Variants in FSTL4 observed in about 807,000 individuals in gnomAD.
FSTL4 encodes the protein follistatin-related protein 4.
In FSTL4, 28 loss-of-function variants were observed where a neutral mutation model predicts 78.2. That is an observed-to-expected ratio of 0.36 (90% confidence interval 0.27 to 0.49). The LOEUF is 0.49. Ranked by LOEUF, FSTL4 falls within the 20% of genes least tolerant of loss-of-function variation. The pLI, the probability that FSTL4 is intolerant of heterozygous loss-of-function variation, is 0.98. For missense variants in FSTL4, 922 were observed against 1,084.9 expected, an observed-to-expected ratio of 0.85 and a Z score of 2.11; for synonymous variants, 422 against 440.5, an observed-to-expected ratio of 0.96 and a Z score of 0.53.
chr5:133,637,952 TAATTAA>T, the FSTL4 span, among the ~76,000 whole-genome samples: 1 of 115,090 alleles, frequency 8.7e-6, no homozygotes, highest in East Asian at 2.4e-4. Context: ...AAAATAATAA[TAATTAA>T]TAATAATAAT....
chr5:133,245,523 C>T (rs1459060082), intron 7 of FSTL4, among the ~76,000 whole-genome samples: 1 of 152,240 alleles, frequency 6.6e-6, no homozygotes, highest in Non-Finnish European at 1.5e-5. Context: ...CTTTCTCACT[C>T]GCTTATTCCT....
At chr5:133,841,589 C>A in the FSTL4 span, among the ~76,000 whole-genome samples, 1 of 152,186 alleles carries the variant, frequency 6.6e-6, no homozygotes, top group African/African-American at 2.4e-5. Context: ...CAACCACTCC[C>A]CACTGTGAGG....
intron 3 of FSTL4, among the ~76,000 whole-genome samples, chr5:133,462,815 C>T (rs1287686263): frequency 6.6e-6 from 1 of 152,134 alleles, no homozygotes; most frequent in Non-Finnish European, 1.5e-5. Flanking sequence ...TATTCATGGA[C>T]TTGGCAATGT....
At chr5:133,295,952 G>A (rs547708448) in intron 6 of FSTL4, among the ~76,000 whole-genome samples, 36 of 152,294 alleles carry the variant, frequency 2.4e-4, no homozygotes, top group African/African-American at 8.2e-4. Flanking sequence ...CTGTCAGTAT[G>A]CTAAGGGTTT....
intron 2 of FSTL4, among the ~76,000 whole-genome samples, chr5:133,575,793 G>A (rs1760264326): frequency 6.6e-6 from 1 of 152,134 alleles, no homozygotes; most frequent in African/African-American, 2.4e-5. Flanking sequence ...CTTAGTGCAT[G>A]GGCATTACTT....
chr5:133,819,407 T>C, the FSTL4 span, among the ~76,000 whole-genome samples: 4 of 152,160 alleles, frequency 2.6e-5, no homozygotes, highest in Non-Finnish European at 5.9e-5. Flanking sequence ...CTCTGCTCAG[T>C]GGCTGAGAAG....
At chr5:133,364,829 C>T (rs1755149216) in intron 4 of FSTL4, among the ~76,000 whole-genome samples, 1 of 152,152 alleles carries the variant, frequency 6.6e-6, no homozygotes, top group Non-Finnish European at 1.5e-5. Context: ...AAAATATATT[C>T]TGTGTATGCT....
At chr5:133,744,077 T>C in the FSTL4 span, among the ~76,000 whole-genome samples, 1 of 152,256 alleles carries the variant, frequency 6.6e-6, no homozygotes, top group Admixed American at 6.5e-5. Flanking sequence ...AGTCCTCACC[T>C]GAACTTACAT....
the FSTL4 span, among the ~76,000 whole-genome samples, chr5:133,823,265 T>A: frequency 6.6e-6 from 1 of 152,032 alleles, no homozygotes; most frequent in Non-Finnish European, 1.5e-5. Context: ...GGAAATAAGT[T>A]GAAATTAAAA....
intron 2 of FSTL4, among the ~76,000 whole-genome samples, chr5:133,590,321 GAA>G (rs60171469): frequency 0.02 from 3,080 of 152,182 alleles, 118 homozygotes; most frequent in African/African-American, 0.071. Context: ...TGGCTACACA[GAA>G]AGAGATATCA....
At chr5:133,296,330 C>T (rs1335555317) in intron 6 of FSTL4, among the ~76,000 whole-genome samples, 5 of 152,226 alleles carry the variant, frequency 3.3e-5, no homozygotes, top group African/African-American at 1.2e-4. Context: ...TCTACATGCT[C>T]CTACTTTTGC....
chr5:133,821,641 G>A, the FSTL4 span, among the ~76,000 whole-genome samples: 1 of 152,180 alleles, frequency 6.6e-6, no homozygotes, highest in Admixed American at 6.5e-5. Context: ...GGAGAGTTGA[G>A]CACATGTGGG....
chr5:133,706,283 C>T, the FSTL4 span, among the ~76,000 whole-genome samples: 1 of 152,054 alleles, frequency 6.6e-6, no homozygotes, highest in African/African-American at 2.4e-5. Flanking sequence ...AGTTGGCATT[C>T]AAAAAATGAT....
chr5:133,395,929 C>T (rs905419633), intron 4 of FSTL4, among the ~76,000 whole-genome samples: 38 of 152,178 alleles, frequency 2.5e-4, no homozygotes, highest in African/African-American at 9.2e-4. Context: ...ATCAGAGATA[C>T]CTGATTCTCC....
At chr5:133,416,720 C>A (rs560380757) in intron 3 of FSTL4, among the ~76,000 whole-genome samples, 1 of 152,216 alleles carries the variant, frequency 6.6e-6, no homozygotes, top group Non-Finnish European at 1.5e-5. Flanking sequence ...GCCAAAAGTT[C>A]ATGAAGAAAC....
At chr5:133,757,949 T>C in the FSTL4 span, among the ~76,000 whole-genome samples, 1 of 152,244 alleles carries the variant, frequency 6.6e-6, no homozygotes. Flanking sequence ...CCTGGAGCCC[T>C]GTGAGAGCTA....
At chr5:133,711,701 T>C in the FSTL4 span, among the ~76,000 whole-genome samples, 5 of 152,224 alleles carry the variant, frequency 3.3e-5, no homozygotes, top group African/African-American at 9.6e-5. Context: ...TTCTAGGTCA[T>C]GGACTCTTTG....
intron 3 of FSTL4, among the ~76,000 whole-genome samples, chr5:133,465,104 T>C (rs565331135): frequency 1.9e-4 from 29 of 152,254 alleles, no homozygotes; most frequent in Admixed American, 5.2e-4. Context: ...CAGTCATTTA[T>C]ATGAATGGTA....
chr5:133,804,623 C>G, the FSTL4 span, among the ~76,000 whole-genome samples: 1 of 152,170 alleles, frequency 6.6e-6, no homozygotes, highest in African/African-American at 2.4e-5. Context: ...TTATGCCAGA[C>G]CCAGTCACCC....
Sources: gnomAD v4.1 joint callset for allele counts (sites outside exome capture counted in the v4.1 genomes callset) on GRCh38, gnomAD v4.1.1 for gene constraint, MANE v1.5 for transcripts, NCBI Gene and HGNC (gene_info 2026-07-23, HGNC 2026-07-21) for gene names.